Variants in DIAPH2 observed in about 807,000 individuals in gnomAD.
DIAPH2 encodes diaphanous related formin 2.
A neutral mutation model predicts 92.7 loss-of-function variants in DIAPH2; 35 were observed. The observed-to-expected ratio is 0.38, with a 90% CI of 0.29 to 0.50. The LOEUF is 0.50. Among genes scored for constraint, DIAPH2 ranks in the 20% least tolerant of loss-of-function variants. DIAPH2 has a pLI of 0.94. For synonymous variants in DIAPH2, 301 were observed against 280.4 expected (o/e 1.07, Z -0.73); for missense variants, 701 against 819.5 (o/e 0.86, Z 1.77).
chrX:96,803,843 G>A (rs1475672655), intron 4 of DIAPH2, among the ~76,000 whole-genome samples: 1 of 111,100 alleles, frequency 9.0e-6, no homozygotes, highest in Non-Finnish European at 1.9e-5. Flanking sequence ...TCCGAGACTA[G>A]CCTGACCAAC....
chrX:96,901,229 A>G (rs2065391482), intron 5 of DIAPH2, among the ~76,000 whole-genome samples: 1 of 109,098 alleles, frequency 9.2e-6, no homozygotes, highest in Non-Finnish European at 1.9e-5. Context: ...TTTCCTCTAG[A>G]TTTTCTAGTT....
intron 22 of DIAPH2, among the ~76,000 whole-genome samples, chrX:97,230,355 A>G (rs1602433698): frequency 8.9e-6 from 1 of 111,830 alleles, no homozygotes; most frequent in Non-Finnish European, 1.9e-5. Context: ...AAAGTTTCCT[A>G]TGAAAAATAT....
intron 1 of DIAPH2, among the ~76,000 whole-genome samples, chrX:96,685,878 G>T (rs1690878809): frequency 8.9e-6 from 1 of 111,809 alleles, no homozygotes; most frequent in Non-Finnish European, 1.9e-5. Context: ...GATTAAGAAC[G>T]CTCAAAAGCA....
chrX:97,232,963 A>G (rs1322962364), intron 22 of DIAPH2, among the ~76,000 whole-genome samples: 5 of 112,234 alleles, frequency 4.5e-5, no homozygotes, highest in African/African-American at 1.6e-4. Flanking sequence ...AGAAGACATT[A>G]CATCTCCTCC....
chrX:97,231,529 G>T (rs1384439406), intron 22 of DIAPH2, among the ~76,000 whole-genome samples: 2 of 111,195 alleles, frequency 1.8e-5, no homozygotes, highest in African/African-American at 6.5e-5. Context: ...AAATAACCTG[G>T]TGTATCCATG....
At chrX:96,723,587 A>G (rs1296355164) in intron 1 of DIAPH2, among the ~76,000 whole-genome samples, 1 of 112,231 alleles carries the variant, frequency 8.9e-6, no homozygotes, top group African/African-American at 3.2e-5. Flanking sequence ...AGATTTTTAT[A>G]GGATTTTAAT....
chrX:96,765,893 T>C (rs148125812), intron 4 of DIAPH2, among the ~76,000 whole-genome samples: 1 of 111,269 alleles, frequency 9.0e-6, no homozygotes, highest in East Asian at 2.8e-4. Flanking sequence ...TGTTCTATTT[T>C]TTTGAGCTGG....
chrX:97,227,181 A>C (rs1346191792), intron 22 of DIAPH2, among the ~76,000 whole-genome samples: 1 of 111,089 alleles, frequency 9.0e-6, no homozygotes, highest in Non-Finnish European at 1.9e-5. Context: ...AGGCTGAGGC[A>C]GGAGAATTGC....
intron 26 of DIAPH2, among the ~76,000 whole-genome samples, chrX:97,491,572 G>A (rs759791067): frequency 3.6e-5 from 4 of 110,131 alleles, no homozygotes; most frequent in African/African-American, 9.9e-5. Context: ...CACCACACCC[G>A]GCTAATTTTT....
chrX:97,257,957 TAAA>T (rs59772699), intron 23 of DIAPH2, among the ~76,000 whole-genome samples: 25 of 92,390 alleles, frequency 2.7e-4, no homozygotes, highest in African/African-American at 9.0e-4. Context: ...GTTCTTTGTT[TAAA>T]AAAAAAAAAA....
At chrX:97,291,419 T>C (rs2068589545) in intron 23 of DIAPH2, among the ~76,000 whole-genome samples, 1 of 111,580 alleles carries the variant, frequency 9.0e-6, no homozygotes, top group Admixed American at 9.6e-5. Context: ...AAAATAAATT[T>C]TAAAAAGCTA....
At chrX:97,164,813 G>C (rs2067400076) in intron 22 of DIAPH2, among the ~76,000 whole-genome samples, 1 of 112,280 alleles carries the variant, frequency 8.9e-6, no homozygotes, top group South Asian at 3.7e-4. Context: ...TACAATGAAT[G>C]ATATGAAAGT....
chrX:97,356,858 T>C (rs1467639344), intron 24 of DIAPH2, among the ~76,000 whole-genome samples: 1 of 111,852 alleles, frequency 8.9e-6, no homozygotes, highest in Non-Finnish European at 1.9e-5. Flanking sequence ...ATTAATATTA[T>C]AAAACTAAAA....
At chrX:97,103,005 G>A (rs763790792) in intron 20 of DIAPH2, among the ~76,000 whole-genome samples, 63 of 111,781 alleles carry the variant, frequency 5.6e-4, no homozygotes, top group African/African-American at 1.9e-3. Context: ...AGGTTACATA[G>A]TAACTAGTAG....
intron 22 of DIAPH2, among the ~76,000 whole-genome samples, chrX:97,181,290 C>T (rs1006991494): frequency 7.0e-4 from 78 of 110,886 alleles, no homozygotes; most frequent in African/African-American, 2.6e-3. Context: ...TAGTTAGTCT[C>T]GAACTCCTGA....
chrX:96,978,169 G>A (rs182591195), intron 17 of DIAPH2, among the ~76,000 whole-genome samples: 303 of 111,611 alleles, frequency 2.7e-3, no homozygotes, highest in African/African-American at 9.3e-3. Context: ...TCTGATTTAA[G>A]AAATTAATTT....
At chrX:97,093,037 A>C (rs1265293536) in intron 19 of DIAPH2, among the ~76,000 whole-genome samples, 1 of 87,578 alleles carries the variant, frequency 1.1e-5, no homozygotes, top group Non-Finnish European at 2.6e-5. Context: ...GTTTTTTAAA[A>C]ATCAGCCAGG....
intron 26 of DIAPH2, among the ~76,000 whole-genome samples, chrX:97,438,253 C>A (rs755419475): frequency 9.3e-6 from 1 of 107,831 alleles, no homozygotes; most frequent in Non-Finnish European, 1.9e-5. Flanking sequence ...GATAATTGAC[C>A]AATGGGTTTT....
At chrX:97,394,582 C>T (rs1307624814) in intron 25 of DIAPH2, among the ~76,000 whole-genome samples, 3 of 111,720 alleles carry the variant, frequency 2.7e-5, no homozygotes, top group African/African-American at 6.5e-5. Flanking sequence ...TTACCCAGGT[C>T]TTTGGAGCTT....
Sources: gnomAD v4.1 joint callset for allele counts (sites outside exome capture counted in the v4.1 genomes callset) on GRCh38, gnomAD v4.1.1 for gene constraint, MANE v1.5 for transcripts, NCBI Gene and HGNC (gene_info 2026-07-23, HGNC 2026-07-21) for gene names.